DCDC1: variants seen among roughly 807,000 people sequenced by gnomAD.
DCDC1 encodes the protein doublecortin domain containing 1, also known as doublecortin domain-containing protein 1.
In DCDC1, 200 loss-of-function variants were observed where a neutral mutation model predicts 178.3. The ratio of observed to expected loss-of-function variants is 1.12; its 90% CI spans 1.00 to 1.26. The LOEUF (loss-of-function observed/expected upper bound fraction) is 1.26. Ranked by LOEUF, DCDC1 falls within the 50% of genes most tolerant of loss-of-function variation. DCDC1 has a pLI of 0.00. For missense variants in DCDC1, 1,983 were observed against 1,749.2 expected (o/e 1.13, Z -2.38); for synonymous variants, 690 against 604.8 (o/e 1.14, Z -2.07).
At chr11:31,250,842 CCTCCTGGGTTCAAGCGATT>C (rs1177629469) in intron 8 of DCDC1, among the ~76,000 whole-genome samples, 1 of 151,746 alleles carries the variant, frequency 6.6e-6, no homozygotes, top group Non-Finnish European at 1.5e-5. Flanking sequence ...GCAACCACCA[CCTCCTGGGTTCAAGCGATT>C]CTCCTGCCTC....
chr11:31,117,715 A>AC (rs398115232), intron 11 of DCDC1, among the ~76,000 whole-genome samples: 3 of 151,730 alleles, frequency 2.0e-5, no homozygotes, highest in East Asian at 1.9e-4. Context: ...CAAAAAAAAA[A>AC]CAAAAAATCA....
At chr11:31,223,795 C>G (rs1974567879) in intron 9 of DCDC1, among the ~76,000 whole-genome samples, 1 of 151,946 alleles carries the variant, frequency 6.6e-6, no homozygotes, top group Non-Finnish European at 1.5e-5. Context: ...AGGCAAAACA[C>G]ATATATATGT....
intron 21 of DCDC1, among the ~76,000 whole-genome samples, chr11:30,935,777 C>T (rs1359217666): frequency 1.3e-5 from 2 of 152,210 alleles, no homozygotes; most frequent in Non-Finnish European, 2.9e-5. Context: ...TGGTCTCGAA[C>T]TCCTGACCTC....
chr11:31,294,872 G>GAAAGAAAAAC (rs1947576834), intron 6 of DCDC1, among the ~76,000 whole-genome samples: 1 of 148,516 alleles, frequency 6.7e-6, no homozygotes, highest in Non-Finnish European at 1.5e-5. Flanking sequence ...GAAAGAAAAA[G>GAAAGAAAAAC]AAAACAGAAA....
chr11:31,063,002 T>TG (rs1956035834), intron 20 of DCDC1, among the ~76,000 whole-genome samples: 1 of 138,538 alleles, frequency 7.2e-6, no homozygotes, highest in Non-Finnish European at 1.5e-5. Flanking sequence ...TGTGTCCATG[T>TG]GTTCTCATTG....
chr11:31,215,138 T>C (rs1591437936), intron 9 of DCDC1: 1 of 251,212 alleles, frequency 4.0e-6, no homozygotes, highest in African/African-American at 2.3e-5. Context: ...ACAACTAAAA[T>C]AGAAATTTCT....
intron 4 of DCDC1, among the ~76,000 whole-genome samples, chr11:31,306,908 T>C (rs930418990): frequency 2.6e-5 from 4 of 152,142 alleles, no homozygotes; most frequent in African/African-American, 9.6e-5. Context: ...TGCTCTCATT[T>C]CAAACTGTTC....
chr11:31,097,091 T>C (rs970326181), intron 15 of DCDC1, among the ~76,000 whole-genome samples: 6 of 152,266 alleles, frequency 3.9e-5, no homozygotes, highest in South Asian at 2.1e-4. Context: ...CACTTACACA[T>C]ATAGGTCCTT....
chr11:30,919,148 G>A (rs1460067927), intron 25 of DCDC1, among the ~76,000 whole-genome samples: 1 of 152,204 alleles, frequency 6.6e-6, no homozygotes, highest in East Asian at 1.9e-4. Context: ...ACTAGTGACA[G>A]CCTGGAAAAT....
chr11:31,198,013 C>T (rs1314132850), intron 9 of DCDC1, among the ~76,000 whole-genome samples: 2 of 151,134 alleles, frequency 1.3e-5, no homozygotes, highest in East Asian at 1.9e-4. Context: ...AGTTGTGAAT[C>T]GTACAATGTG....
chr11:31,055,285 T>A (rs953406897), intron 20 of DCDC1, among the ~76,000 whole-genome samples: 2 of 152,042 alleles, frequency 1.3e-5, no homozygotes, highest in Admixed American at 1.3e-4. Context: ...CACAATGCAA[T>A]ACCACCTTAC....
At chr11:31,315,305 C>A (rs889734484) in intron 3 of DCDC1, among the ~76,000 whole-genome samples, 2 of 111,054 alleles carry the variant, frequency 1.8e-5, no homozygotes, top group Admixed American at 2.1e-4. Flanking sequence ...ATTTGCATAC[C>A]CTTTTTTTTT....
intron 17 of DCDC1, among the ~76,000 whole-genome samples, chr11:31,078,773 A>G (rs1957006735): frequency 6.6e-6 from 1 of 152,312 alleles, no homozygotes; most frequent in East Asian, 1.9e-4. Context: ...GTAGGTGTCT[A>G]GAATCCTAGC....
At position 30,883,921 on chromosome 11, in the gene DCDC1, T is replaced by A. The variant is rs1942925580; in HGVS notation, c.5083-2613A>T. ...CATGATACGCCTGCTACAAAAGTAA[T>A]CAGAAAATAAATGAATTAAAACTTT... On this transcript the variant is annotated intron_variant, in intron 36 of 38. Coordinates refer to ENST00000684477, the MANE Select transcript of DCDC1 (RefSeq NM_001387274.1). Among the ~76,000 whole-genome samples the A allele has an allele frequency of 2.1e-5, 3 of 144,626 alleles. No homozygotes were observed. In the South Asian group the frequency reaches 6.5e-4, roughly 32 times the overall value. The allele number at this position is 144,626 out of a possible 152,430, so 94.9% of individuals were successfully genotyped here. A position where few individuals can be genotyped will look rare whatever the true frequency, so the allele number is the denominator to read the frequency against.
At chr11:31,259,658 A>C (rs1316834400) in intron 8 of DCDC1, among the ~76,000 whole-genome samples, 1 of 152,160 alleles carries the variant, frequency 6.6e-6, no homozygotes, top group African/African-American at 2.4e-5. Context: ...AGCCTCTTTG[A>C]GACAGAAGAC....
intron 16 of DCDC1, among the ~76,000 whole-genome samples, chr11:31,093,181 T>C (rs1431779472): frequency 6.6e-6 from 1 of 152,260 alleles, no homozygotes; most frequent in African/African-American, 2.4e-5. Context: ...GTAAACTTAC[T>C]ATGCTGTGAT....
chr11:31,226,681 G>T, intron 9 of DCDC1, among the ~76,000 whole-genome samples: 1 of 134,728 alleles, frequency 7.4e-6, no homozygotes, highest in African/African-American at 2.8e-5. Flanking sequence ...AAGGAAGGAA[G>T]ATCTCAAAAA....
At chr11:31,283,971 C>CCT (rs35150053) in intron 7 of DCDC1, among the ~76,000 whole-genome samples, 47,444 of 148,430 alleles carry the variant, frequency 0.32, 7,905 homozygotes, top group East Asian at 0.62. Context: ...TCTTTCCCTC[C>CCT]CTCTCTCTCT....
At chr11:31,253,727 CT>C (rs1379450264) in intron 8 of DCDC1, among the ~76,000 whole-genome samples, 1 of 152,118 alleles carries the variant, frequency 6.6e-6, no homozygotes, top group Non-Finnish European at 1.5e-5. Context: ...ATAGTATGTG[CT>C]TTTTTCTTTA....
Sources: gnomAD v4.1 joint callset for allele counts (sites outside exome capture counted in the v4.1 genomes callset) on GRCh38, gnomAD v4.1.1 for gene constraint, MANE v1.5 for transcripts, NCBI Gene and HGNC (gene_info 2026-07-23, HGNC 2026-07-21) for gene names.